SLC4A2: variants seen among roughly 807,000 people sequenced by gnomAD.
The protein encoded by SLC4A2 is anion exchange protein 2.
In SLC4A2, 36 loss-of-function variants were observed where a neutral mutation model predicts 115.0. The observed-to-expected ratio is 0.31, with a 90% CI of 0.24 to 0.41. The LOEUF (loss-of-function observed/expected upper bound fraction) is 0.41, where lower values mean the gene tolerates loss of function less well. Among genes scored for constraint, SLC4A2 ranks in the 10% least tolerant of loss-of-function variants. SLC4A2 has a pLI of 1.00. For synonymous variants in SLC4A2, 708 were observed against 708.3 expected, an observed-to-expected ratio of 1.00 and a Z score of 0.01; for missense variants, 1,252 against 1,705.6, an observed-to-expected ratio of 0.73 and a Z score of 4.68.
rs529904233 is a variant in SLC4A2, at chr7:151,063,097, G to T, written c.51+1059G>T. 4.3e-5 allele frequency: 66 copies of T among 1,523,650 alleles called. 2 individuals carry two copies. The South Asian group carries it at 7.4e-4, about 17-fold the overall frequency. The allele number at this position is 1,523,650 out of a possible 1,614,324, so 94.4% of individuals were successfully genotyped here. On this transcript the variant is annotated intron_variant, in intron 2 of 22. Transcript: ENST00000413384. ...TGGACCAAGGCTGCCTGGCCAGGCGGCTGCCGCTTAGCTGGGCTGAGCTCT... is the reference window on the plus strand; with the variant it reads ...TGGACCAAGGCTGCCTGGCCAGGCGTCTGCCGCTTAGCTGGGCTGAGCTCT...
At chr7:151,063,331 C>T (rs1353063525) in intron 2 of SLC4A2, 2 of 662,750 alleles carry the variant, frequency 3.0e-6, no homozygotes, top group Non-Finnish European at 4.7e-6. Context: ...TTGTTTGACT[C>T]GGACAGGCTC....
intron 21 of SLC4A2, 80 bp downstream of exon 21, chr7:151,075,855 T>C (rs1300669042): frequency 4.7e-6 from 7 of 1,476,080 alleles, no homozygotes; most frequent in Non-Finnish European, 6.5e-6. Context: ...AGCTGCCCCC[T>C]CCCATCTGCC....
chr7:151,061,326 GTC>G (rs1349002602), intron 1 of SLC4A2: 1 of 151,162 alleles, frequency 6.6e-6, no homozygotes, highest in Non-Finnish European at 1.5e-5. Context: ...CCTCCTGCCG[GTC>G]CCCAAGGACC....
At chr7:151,073,659 G>C (rs1797518099) in intron 16 of SLC4A2, among the ~76,000 whole-genome samples, 1 of 152,154 alleles carries the variant, frequency 6.6e-6, no homozygotes, top group South Asian at 2.1e-4. Context: ...TTGTTAAAAT[G>C]TCAAACAATC....
intron 22 of SLC4A2, 40 bp from the exon 23 acceptor site, chr7:151,076,247 C>T: frequency 6.3e-7 from 1 of 1,591,260 alleles, no homozygotes; most frequent in Non-Finnish European, 8.6e-7. Flanking sequence ...TGGAAAGGCC[C>T]CCCCACTTCC....
chr7:151,065,734 A>G (rs943138213), intron 5 of SLC4A2, among the ~76,000 whole-genome samples: 6 of 152,204 alleles, frequency 3.9e-5, no homozygotes, highest in African/African-American at 1.4e-4. Flanking sequence ...CCAGGATGGC[A>G]GGGAGGAGGC....
Position 151,071,574 on chromosome 7 carries a change from G to A in SLC4A2, c.2160G>A (p.Leu720=). The A allele has an allele frequency of 1.2e-6, 2 of 1,614,042 alleles. No homozygotes were observed. Among genetic ancestry groups the A allele is most frequent in the South Asian group, 1.1e-5 (1 of 91,082 alleles). ...TCATCTTCATCTACTTTGCCGCCCT[G>A]TCTCCTGCCATCACCTTTGGGGGGC... ...AAVIFIYFAA[L]SPAITFGGLL... The change falls in exon 14 of 23, where the codon CTG becomes CTA. Residue 720 remains leucine, a synonymous_variant. Coordinates refer to ENST00000413384, the MANE Select transcript of SLC4A2 (RefSeq NM_003040.4). This position sits in a 1 kb window ranked among gnomAD's most constrained non-coding sequence, Gnocchi z 5.5.
intron 2 of SLC4A2, chr7:151,063,296 C>T: frequency 3.4e-6 from 3 of 882,340 alleles, no homozygotes; most frequent in Non-Finnish European, 4.9e-6. Flanking sequence ...GAAGGGCATC[C>T]ATTCCGGTCC....
At chr7:151,067,372 T>G (rs551941596) in intron 7 of SLC4A2, among the ~76,000 whole-genome samples, 1 of 152,294 alleles carries the variant, frequency 6.6e-6, no homozygotes, top group South Asian at 2.1e-4. Flanking sequence ...AGGCATGAGC[T>G]GCCGCGCCGG....
chr7:151,076,000 C>T lies in SLC4A2; in HGVS notation c.3472-13C>T, dbSNP rs777101539. The T allele has an allele frequency of 2.0e-5, 31 of 1,571,854 alleles. No individual in the cohort carries two copies. Among genetic ancestry groups the T allele is most frequent in the Admixed American group, 1.3e-4 (7 of 54,852 alleles). ...TAGGGAGGAAGCTGGGCTCACCTGT[C>T]TCCGCCCCCCAGGTCCGGACCCTCC... On this transcript the variant is annotated splice_polypyrimidine_tract_variant and intron_variant, in intron 21 of 22. Transcript: ENST00000413384.
At chr7:151,069,173 T>C in intron 8 of SLC4A2, among the ~76,000 whole-genome samples, 1 of 60,464 alleles carries the variant, frequency 1.7e-5, no homozygotes, top group African/African-American at 5.0e-5. Context: ...GCTGAGGACC[T>C]AGAAACCGGC....
rs1797440765 is a variant in SLC4A2 at position 151,071,550 on chromosome 7, C to T, written c.2136C>T (p.Val712=). 6 of 1,614,066 alleles carry T rather than the reference C, an allele frequency of 3.7e-6. No individual in the cohort carries two copies. The highest frequency in any genetic ancestry group is 5.1e-6 in the Non-Finnish European group (6 of 1,180,000). The change falls in exon 14 of 23, where the codon GTC becomes GTT. Residue 712 remains valine, a synonymous_variant. Coordinates refer to ENST00000413384, the MANE Select transcript of SLC4A2 (RefSeq NM_003040.4). This position sits in a 1 kb window ranked among gnomAD's most constrained non-coding sequence, Gnocchi z 5.5. ...TTGACCCTCAGTGCCTGGCCGCAGT[C>T]ATCTTCATCTACTTTGCCGCCCTGT... ...DALDPQCLAA[V]IFIYFAALSP...
intron 8 of SLC4A2, among the ~76,000 whole-genome samples, chr7:151,069,030 T>C (rs1563351407): frequency 1.3e-5 from 2 of 150,176 alleles, no homozygotes; most frequent in Non-Finnish European, 3.0e-5. Context: ...TCCCAGCTAC[T>C]TGAGAGGCTG....
At position 151,071,937 on chromosome 7, in the gene SLC4A2, T is replaced by C. The variant is rs746044757; in HGVS notation, c.2341-5T>C. The C allele has an allele frequency of 6.2e-7, 1 of 1,613,294 alleles. No individual in the cohort carries two copies. The highest frequency in any genetic ancestry group is 1.7e-5 in the Admixed American group (1 of 59,948). On this transcript the variant is annotated splice_polypyrimidine_tract_variant and splice_region_variant and intron_variant, in intron 15 of 22. Transcript: ENST00000413384. This position sits in a 1 kb window ranked among gnomAD's most constrained non-coding sequence, Gnocchi z 5.5. ...AGCTCAGGACCTGACTGCCCCTCCCTCCAGTTCTGTAGCAGCAACCACCTG... is the reference window on the plus strand; with the variant it reads ...AGCTCAGGACCTGACTGCCCCTCCCCCCAGTTCTGTAGCAGCAACCACCTG...
intron 2 of SLC4A2, chr7:151,062,906 C>G: frequency 7.2e-7 from 1 of 1,393,964 alleles, no homozygotes; most frequent in East Asian, 2.9e-5. Context: ...AAGACCCGCC[C>G]TTCACCCCAG....
In SLC4A2 at chr7:151,070,927, C is replaced by T. The variant is rs1192769385; in HGVS notation, c.1749+16C>T. The T allele has an allele frequency of 1.9e-6, 3 of 1,610,132 alleles. No individual in the cohort carries two copies. The highest frequency in any genetic ancestry group is 2.7e-5 in the African/African-American group (2 of 75,022). ...GTCAGACAAGGTCAGCTACCCTCCTCCTCTGGGCCCTGCTTCCTGGAGCCC... is the reference window on the plus strand; with the variant it reads ...GTCAGACAAGGTCAGCTACCCTCCTTCTCTGGGCCCTGCTTCCTGGAGCCC... On this transcript the variant is annotated intron_variant, in intron 12 of 22. Coordinates refer to ENST00000413384, the MANE Select transcript of SLC4A2 (RefSeq NM_003040.4).
In SLC4A2 at chr7:151,071,515, C is replaced by T; in HGVS notation, c.2101C>T (p.Arg701Ter). Residue 701 changes from arginine (R) to a stop codon, truncating the protein, a stop_gained, in exon 14 of 23, where the codon CGA becomes TGA. Transcript: ENST00000413384. LOFTEE classifies it high-confidence loss of function. This position sits in a 1 kb window ranked among gnomAD's most constrained non-coding sequence, Gnocchi z 5.5. ...CTATCCCCACTACCTGAGTGACTTC[C>T]GAGATGCACTTGACCCTCAGTGCCT... ...RRYPHYLSDF[R>*]DALDPQCLAA... 1.2e-6 allele frequency: 2 copies of T among 1,613,900 alleles called. No homozygotes were observed. Among genetic ancestry groups the T allele is most frequent in the Non-Finnish European group, 1.7e-6 (2 of 1,179,982 alleles).
rs957829672 is a variant in SLC4A2, at chr7:151,060,428, G to T, written c.-64+666G>T. Among the ~76,000 whole-genome samples the T allele has an allele frequency of 1.3e-5, 2 of 152,228 alleles. No individual in the cohort carries two copies. The highest frequency in any genetic ancestry group is 1.3e-4 in the Admixed American group (2 of 15,286). The stretch of plus-strand genomic sequence containing the variant: ...CTGCGGAATTTACGAGTTCACTTGG[G>T]GGGTGGTTAATGCCCAAGTGGGGGT... On this transcript the variant is annotated intron_variant, in intron 1 of 22. Coordinates refer to ENST00000413384, the MANE Select transcript of SLC4A2 (RefSeq NM_003040.4). This position sits in a 1 kb window ranked among gnomAD's most constrained non-coding sequence, Gnocchi z 5.9.
chr7:151,066,603 C>A lies in SLC4A2; in HGVS notation c.665C>A (p.Pro222His), dbSNP rs17852578. 1 of 1,548,712 alleles carries A rather than the reference C, an allele frequency of 6.5e-7. No individual in the cohort carries two copies. Among genetic ancestry groups the A allele is most frequent in the Non-Finnish European group, 8.7e-7 (1 of 1,146,694 alleles). Residue 222 changes from proline to histidine, a missense_variant, in exon 6 of 23, where the codon CCC becomes CAC. Pro to His is a moderately conservative substitution (Grantham distance 77). This residue lies in a region of SLC4A2 where 215 missense variants were observed against 205.2 expected (regional missense o/e 1.05). Transcript: ENST00000413384. ...GACGACGGGGGTGCCTCGGGGCGCC[C>A]CCTGCCCAAAGCCCAGCCTGGGCAC... ...GGDDGGASGR[P>H]LPKAQPGHRS...
Sources: gnomAD v4.1 joint callset for allele counts (sites outside exome capture counted in the v4.1 genomes callset) on GRCh38, gnomAD v4.1.1 for gene constraint, gnomAD v4.1.1 regional missense constraint, Gnocchi (gnomAD v3.1) non-coding constraint, MANE v1.5 for transcripts, NCBI Gene and HGNC (gene_info 2026-07-23, HGNC 2026-07-21) for gene names.